ZBTB16: variants seen among roughly 807,000 people sequenced by gnomAD.
ZBTB16 encodes the protein zinc finger and BTB domain-containing protein 16.
ZBTB16 carries 8 observed loss-of-function variants against 56.8 expected under a neutral mutation model. That is an observed-to-expected ratio of 0.14 (90% CI 0.08 to 0.25). The LOEUF is 0.25. ZBTB16 is among the 10% of genes least tolerant of loss of function. The pLI is 1.00. For missense variants in ZBTB16, 625 were observed against 903.0 expected (o/e 0.69, Z 3.95); for synonymous variants, 363 against 368.5 (o/e 0.98, Z 0.17).
intron 4 of ZBTB16, among the ~76,000 whole-genome samples, chr11:114,205,288 T>C (rs1308786199): frequency 2.0e-5 from 3 of 151,666 alleles, no homozygotes; most frequent in South Asian, 2.1e-4. Context: ...TGGGCGCCTG[T>C]AGTCCCAGCT....
intron 2 of ZBTB16, among the ~76,000 whole-genome samples, chr11:114,098,543 A>T (rs1940499634): frequency 4.3e-5 from 1 of 23,372 alleles, no homozygotes; most frequent in Non-Finnish European, 4.1e-4. Context: ...ACTTAAATTA[A>T]AAAAAAAAAA....
chr11:114,149,013 A>G (rs1235856676), intron 2 of ZBTB16, among the ~76,000 whole-genome samples: 1 of 152,002 alleles, frequency 6.6e-6, no homozygotes, highest in Admixed American at 6.6e-5. Context: ...AGCCCCTGCC[A>G]TGTTCTGAGG....
At chr11:114,108,511 A>G (rs908928921) in intron 2 of ZBTB16, among the ~76,000 whole-genome samples, 43 of 152,232 alleles carry the variant, frequency 2.8e-4, no homozygotes, top group African/African-American at 9.1e-4. Flanking sequence ...AGTTCTGTTA[A>G]CACTGGTGAA....
At chr11:114,178,619 C>T (rs1415756604) in intron 3 of ZBTB16, among the ~76,000 whole-genome samples, 3 of 152,216 alleles carry the variant, frequency 2.0e-5, no homozygotes, top group Non-Finnish European at 4.4e-5. Context: ...CTTTCCAAGC[C>T]ACTCTGGCTG....
chr11:114,091,253 C>T (rs568611820), intron 2 of ZBTB16, among the ~76,000 whole-genome samples: 10 of 152,180 alleles, frequency 6.6e-5, no homozygotes, highest in African/African-American at 2.2e-4. Flanking sequence ...GAGGCTGGGG[C>T]ACGAGAAGTG....
intron 4 of ZBTB16, among the ~76,000 whole-genome samples, chr11:114,212,553 A>G (rs985681077): frequency 2.0e-5 from 3 of 152,202 alleles, no homozygotes; most frequent in Non-Finnish European, 2.9e-5. Flanking sequence ...TTGACAGGTG[A>G]AAAGACTTCG....
chr11:114,171,120 G>A (rs1173609087), intron 3 of ZBTB16, among the ~76,000 whole-genome samples: 5 of 152,110 alleles, frequency 3.3e-5, no homozygotes, highest in African/African-American at 9.7e-5. Context: ...AAGCTGACCC[G>A]GGAGCAAAGA....
intron 3 of ZBTB16, among the ~76,000 whole-genome samples, chr11:114,160,035 G>A (rs569928453): frequency 1.9e-4 from 29 of 151,460 alleles, no homozygotes; most frequent in Non-Finnish European, 3.2e-4. Context: ...AAATGTTGCT[G>A]CCCTTGCACT....
intron 2 of ZBTB16, among the ~76,000 whole-genome samples, chr11:114,094,164 A>C (rs967479815): frequency 1.3e-5 from 2 of 151,900 alleles, no homozygotes; most frequent in Non-Finnish European, 2.9e-5. Context: ...AAATACAAAA[A>C]ATTAGCCAGG....
chr11:114,154,962 T>G (rs1942370783), intron 2 of ZBTB16, among the ~76,000 whole-genome samples: 1 of 152,218 alleles, frequency 6.6e-6, no homozygotes, highest in Non-Finnish European at 1.5e-5. Context: ...CCACATGGTC[T>G]TGACACACTG....
rs150510748 is a variant in ZBTB16, at chr11:114,253,921, G to T, written c.*3366G>T. Among the ~76,000 whole-genome samples, 26 of 152,148 alleles carry T rather than the reference G, an allele frequency of 1.7e-4. No homozygotes were observed. Among genetic ancestry groups the T allele is most frequent in the African/African-American group, 5.8e-4 (24 of 41,508 alleles). Reference sequence around the variant, plus strand: ...CTTCTTCATGCCACCTGACTCCTTCGGCCCCCTGGCTGCCTTTAGCTGTGG... The same window carrying T: ...CTTCTTCATGCCACCTGACTCCTTCTGCCCCCTGGCTGCCTTTAGCTGTGG... On this transcript the variant is annotated 3_prime_UTR_variant, in exon 7 of 7. Coordinates refer to ENST00000335953, the MANE Select transcript of ZBTB16 (RefSeq NM_006006.6).
intron 2 of ZBTB16, among the ~76,000 whole-genome samples, chr11:114,154,949 C>T (rs1451283194): frequency 6.6e-6 from 1 of 152,160 alleles, no homozygotes; most frequent in Non-Finnish European, 1.5e-5. Flanking sequence ...TCACCTGGGT[C>T]CACCACATGG....
chr11:114,154,838 G>C (rs1031758499), intron 2 of ZBTB16, among the ~76,000 whole-genome samples: 1 of 152,154 alleles, frequency 6.6e-6, no homozygotes, highest in Non-Finnish European at 1.5e-5. Context: ...GAGCTCTGCT[G>C]AGAGAACTTT....
At chr11:114,190,768 C>G (rs1223311279) in intron 4 of ZBTB16, among the ~76,000 whole-genome samples, 2 of 151,784 alleles carry the variant, frequency 1.3e-5, no homozygotes, top group African/African-American at 4.8e-5. Context: ...CATATATATA[C>G]ACACATGTGT....
rs527530941 is a variant in ZBTB16 at position 114,119,294 on chromosome 11, A to G, written c.1269-37043A>G. Among the ~76,000 whole-genome samples, 45 of 127,708 alleles carry G rather than the reference A, an allele frequency of 3.5e-4. 1 individual carries two copies. In the South Asian group the frequency reaches 0.011, roughly 32 times the overall value. The allele number at this position is 127,708 out of a possible 152,430, so 83.8% of individuals were successfully genotyped here. A position where few individuals can be genotyped will look rare whatever the true frequency, so the allele number is the denominator to read the frequency against. On this transcript the variant is annotated intron_variant, in intron 2 of 6. Transcript: ENST00000335953. ...AAAAAAAAAAAAAAAAAAAAAAAAGAATTTAGGGGGCGTTGTTAGGGGGTA... is the reference window on the plus strand; with the variant it reads ...AAAAAAAAAAAAAAAAAAAAAAAAGGATTTAGGGGGCGTTGTTAGGGGGTA...
At chr11:114,088,690 T>G (rs1160668116) in intron 2 of ZBTB16, among the ~76,000 whole-genome samples, 1 of 152,230 alleles carries the variant, frequency 6.6e-6, no homozygotes, top group East Asian at 1.9e-4. Context: ...TGCATTGTGC[T>G]AAGGGTTAAC....
In ZBTB16 at chr11:114,250,314, C is replaced by T; in HGVS notation, c.1793-12C>T. The T allele has an allele frequency of 6.2e-7, 1 of 1,609,642 alleles. No individual in the cohort carries two copies. The highest frequency in any genetic ancestry group is 1.1e-5 in the South Asian group (1 of 91,082). Reference sequence around the variant, plus strand: ...GTCCTCACTTTCTCCTGCCCTGTCCCTCCGCCCTCAGGTGAGAAGCCCTTT... The same window carrying T: ...GTCCTCACTTTCTCCTGCCCTGTCCTTCCGCCCTCAGGTGAGAAGCCCTTT... On this transcript the variant is annotated splice_polypyrimidine_tract_variant and intron_variant, in intron 6 of 6. Transcript: ENST00000335953. The surrounding 1 kb of genome is among the most constrained non-coding windows in gnomAD (Gnocchi z 6.0).
chr11:114,246,852 A>G, intron 5 of ZBTB16: 1 of 336,972 alleles, frequency 3.0e-6, no homozygotes, highest in Non-Finnish European at 5.7e-6. Context: ...AACCTAAAGG[A>G]AGGGGAGAAG....
chr11:114,106,347 A>G (rs1266639867), intron 2 of ZBTB16, among the ~76,000 whole-genome samples: 1 of 152,232 alleles, frequency 6.6e-6, no homozygotes, highest in Non-Finnish European at 1.5e-5. Context: ...TTTAAGAAGC[A>G]TCATTATGAT....
Sources: gnomAD v4.1 joint callset for allele counts (sites outside exome capture counted in the v4.1 genomes callset) on GRCh38, gnomAD v4.1.1 for gene constraint, Gnocchi (gnomAD v3.1) non-coding constraint, MANE v1.5 for transcripts, NCBI Gene and HGNC (gene_info 2026-07-23, HGNC 2026-07-21) for gene names.